Variants in ADAMTS19 observed in about 807,000 individuals in gnomAD.
ADAMTS19 encodes the protein A disintegrin and metalloproteinase with thrombospondin motifs 19.
Under a neutral mutation model 153.3 loss-of-function variants are expected in ADAMTS19, and 93 were observed. The ratio of observed to expected loss-of-function variants is 0.61; its 90% CI spans 0.51 to 0.72. The LOEUF is 0.72. Among genes scored for constraint, ADAMTS19 ranks in the 30% least tolerant of loss-of-function variants. The probability of loss-of-function intolerance (pLI) is 0.00; values close to 1 mark genes in which losing one functional copy is unlikely to be tolerated. For synonymous variants in ADAMTS19, 600 were observed against 556.6 expected (o/e 1.08, Z -1.10); for missense variants, 1,482 against 1,552.1 (o/e 0.95, Z 0.76).
At chr5:129,522,299 G>GTATATATA (rs1182437821) in intron 3 of ADAMTS19, among the ~76,000 whole-genome samples, 257 of 97,434 alleles carry the variant, frequency 2.6e-3, no homozygotes, top group South Asian at 8.2e-3. Context: ...GTGTGTGTGT[G>GTATATATA]TATATATATA....
intron 18 of ADAMTS19, among the ~76,000 whole-genome samples, chr5:129,685,886 G>A (rs1220004243): frequency 1.3e-5 from 2 of 152,142 alleles, no homozygotes; most frequent in East Asian, 3.9e-4. Flanking sequence ...GTTGGCTTTA[G>A]GCAAAAATAT....
chr5:129,509,056 T>G lies in ADAMTS19; in HGVS notation c.748-21T>G, dbSNP rs1477317138. 5 of 1,523,330 alleles carry G rather than the reference T, an allele frequency of 3.3e-6. No individual in the cohort carries two copies. The African/African-American group carries it at 4.2e-5, about 13-fold the overall frequency. The allele number at this position is 1,523,330 out of a possible 1,614,324, so 94.4% of individuals were successfully genotyped here. On this transcript the variant is annotated intron_variant, in intron 2 of 22. Transcript: ENST00000274487. ...TTTCAAATGATATTTCTTACATATC[T>G]TTTTGTGTTATATATTCCAGATGGG...
At chr5:129,663,307 C>G (rs931539589) in intron 15 of ADAMTS19, among the ~76,000 whole-genome samples, 3 of 152,290 alleles carry the variant, frequency 2.0e-5, no homozygotes, top group East Asian at 3.9e-4. Flanking sequence ...TATTTCCATG[C>G]CTTAACTTGG....
At position 129,738,182 on chromosome 5, in the gene ADAMTS19, G is replaced by A. The variant is rs1446270055; in HGVS notation, c.*964G>A. On this transcript the variant is annotated 3_prime_UTR_variant, in exon 23 of 23. Transcript: ENST00000274487. The stretch of plus-strand genomic sequence containing the variant: ...ACAGAAAGCATATAATACGGTGGTC[G>A]TTTCATTGTGTTTTTCTTCCTTTTA... 6 of 152,030 alleles carry A rather than the reference G, an allele frequency of 3.9e-5. No individual in the cohort carries two copies. Among genetic ancestry groups the A allele is most frequent in the East Asian group, 1.9e-4 (1 of 5,164 alleles). The allele number at this position is 152,030 out of a possible 1,614,324, so 9.4% of individuals were successfully genotyped here. A position where few individuals can be genotyped will look rare whatever the true frequency, so the allele number is the denominator to read the frequency against.
At chr5:129,630,801 G>C (rs1752251873) in intron 10 of ADAMTS19, among the ~76,000 whole-genome samples, 1 of 151,978 alleles carries the variant, frequency 6.6e-6, no homozygotes, top group South Asian at 2.1e-4. Context: ...GTAAGCCACA[G>C]AATGGGTGAA....
chr5:129,584,603 G>A (rs1327065086), intron 7 of ADAMTS19, among the ~76,000 whole-genome samples: 1 of 152,174 alleles, frequency 6.6e-6, no homozygotes, highest in African/African-American at 2.4e-5. Flanking sequence ...CTAGAGACGA[G>A]GAATCTAGAG....
chr5:129,734,176 G>A (rs1363709819), intron 21 of ADAMTS19, among the ~76,000 whole-genome samples: 2 of 151,650 alleles, frequency 1.3e-5, no homozygotes, highest in Non-Finnish European at 2.9e-5. Flanking sequence ...TAGACATTGA[G>A]GTCTCCAAAA....
chr5:129,545,969 A>G (rs1344798830), intron 6 of ADAMTS19, among the ~76,000 whole-genome samples: 1 of 149,270 alleles, frequency 6.7e-6, no homozygotes, highest in Non-Finnish European at 1.5e-5. Context: ...CACAATAGCA[A>G]AGACTTGGAA....
intron 2 of ADAMTS19, among the ~76,000 whole-genome samples, chr5:129,494,740 T>C (rs1750871556): frequency 6.6e-6 from 1 of 152,180 alleles, no homozygotes; most frequent in Non-Finnish European, 1.5e-5. Context: ...TCGATGGCCA[T>C]ATTGACATGG....
intron 21 of ADAMTS19, among the ~76,000 whole-genome samples, chr5:129,712,437 C>G (rs1243330389): frequency 6.6e-6 from 1 of 152,162 alleles, no homozygotes; most frequent in Non-Finnish European, 1.5e-5. Flanking sequence ...TCAAGAAAGA[C>G]TTTCCATTTT....
chr5:129,558,835 A>G (rs996849177), intron 7 of ADAMTS19, among the ~76,000 whole-genome samples: 2 of 152,110 alleles, frequency 1.3e-5, no homozygotes, highest in South Asian at 4.1e-4. Flanking sequence ...AGTTCAATAC[A>G]TTATGTTAAG....
At chr5:129,594,690 A>G (rs1224166837) in intron 7 of ADAMTS19, among the ~76,000 whole-genome samples, 1 of 151,884 alleles carries the variant, frequency 6.6e-6, no homozygotes, top group Non-Finnish European at 1.5e-5. Flanking sequence ...CTCTCTTAAA[A>G]TTCATGTTAT....
At chr5:129,733,823 C>G (rs538426099) in intron 21 of ADAMTS19, among the ~76,000 whole-genome samples, 2 of 151,712 alleles carry the variant, frequency 1.3e-5, no homozygotes, top group African/African-American at 4.8e-5. Context: ...CCAAAGGAAA[C>G]AAAATCCTTG....
Position 129,461,106 on chromosome 5 carries a change from G to T in ADAMTS19, c.96G>T (p.Leu32=). Residue 32 remains leucine, a synonymous_variant, in exon 2 of 23, where the codon CTG becomes CTT. Transcript: ENST00000274487. This position sits in a 1 kb window ranked among gnomAD's most constrained non-coding sequence, Gnocchi z 4.6. The part of the protein sequence containing the change: ...GFLSNGIVSE[L]QFAPDREEWE... ...TTCTGTCTGCCCCGCCCGCAGAGCT[G>T]CAGTTCGCCCCCGACCGCGAGGAGT... 1 of 1,412,326 alleles carries T rather than the reference G, an allele frequency of 7.1e-7. No individual in the cohort carries two copies. Among genetic ancestry groups the T allele is most frequent in the Non-Finnish European group, 9.2e-7 (1 of 1,082,852 alleles). The allele number at this position is 1,412,326 out of a possible 1,614,324, so 87.5% of individuals were successfully genotyped here.
intron 3 of ADAMTS19, among the ~76,000 whole-genome samples, chr5:129,518,436 T>C (rs186603179): frequency 6.6e-6 from 1 of 152,308 alleles, no homozygotes; most frequent in Admixed American, 6.5e-5. Flanking sequence ...TGTTTATTTT[T>C]CCTTCATGTT....
In ADAMTS19 at chr5:129,547,872, A is replaced by T. The variant is rs188087581; in HGVS notation, c.1329-3992A>T. On this transcript the variant is annotated intron_variant, in intron 6 of 22. Transcript: ENST00000274487. ...ACAGAGCCCTCAGAAATAATGCCAC[A>T]TATCTACAACTATCTGATCTTTGAC... Among the ~76,000 whole-genome samples the T allele has an allele frequency of 4.4e-4, 66 of 150,974 alleles. 5 individuals are homozygous for T. Among genetic ancestry groups the T allele is most frequent in the African/African-American group, 1.6e-3 (65 of 40,326 alleles).
chr5:129,520,189 CA>C, intron 3 of ADAMTS19, among the ~76,000 whole-genome samples: 1 of 152,012 alleles, frequency 6.6e-6, no homozygotes, highest in East Asian at 1.9e-4. Context: ...TGGTTTTCTT[CA>C]AAACTTTCTC....
At chr5:129,657,304 A>C (rs796879460) in intron 14 of ADAMTS19, among the ~76,000 whole-genome samples, 5 of 152,282 alleles carry the variant, frequency 3.3e-5, no homozygotes, top group African/African-American at 1.2e-4. Context: ...CCCCAACACC[A>C]GCAGCACCAG....
intron 16 of ADAMTS19, among the ~76,000 whole-genome samples, chr5:129,673,782 C>G (rs923628378): frequency 6.6e-6 from 1 of 152,034 alleles, no homozygotes; most frequent in Non-Finnish European, 1.5e-5. Context: ...CATTTTGATA[C>G]TTTAGCATAC....
Sources: allele counts gnomAD v4.1 joint callset (sites outside exome capture counted in the v4.1 genomes callset), GRCh38; gene constraint gnomAD v4.1.1; non-coding constraint Gnocchi (gnomAD v3.1); transcripts MANE v1.5; gene names NCBI Gene and HGNC (gene_info 2026-07-23, HGNC 2026-07-21).